Variants in ROS1 observed in about 807,000 individuals in gnomAD.
ROS1 encodes the protein ROS proto-oncogene 1, receptor tyrosine kinase.
Under a neutral mutation model 273.5 loss-of-function variants are expected in ROS1, and 263 were observed. The ratio of observed to expected loss-of-function variants is 0.96; its 90% CI spans 0.87 to 1.06. The LOEUF (loss-of-function observed/expected upper bound fraction) is 1.06, where lower values mean the gene tolerates loss of function less well. ROS1 is among the 50% of genes least tolerant of loss of function. ROS1 has a pLI of 0.00. For missense variants in ROS1, 2,833 were observed against 2,751.1 expected, an observed-to-expected ratio of 1.03 and a Z score of -0.67; for synonymous variants, 1,008 against 954.1, an observed-to-expected ratio of 1.06 and a Z score of -1.04.
intron 18 of ROS1, among the ~76,000 whole-genome samples, chr6:117,368,684 A>G (rs1179495101): frequency 6.6e-6 from 1 of 152,154 alleles, no homozygotes; most frequent in Non-Finnish European, 1.5e-5. Flanking sequence ...TATATTATGA[A>G]TCACGTATAA....
chr6:117,385,746 T>A lies in ROS1; in HGVS notation c.2226A>T (p.Gly742=). 1.9e-6 allele frequency: 3 copies of A among 1,614,176 alleles called. No homozygotes were observed. The highest frequency in any genetic ancestry group is 2.5e-6 in the Non-Finnish European group (3 of 1,180,022). ...SENYHLPSIA[G]AGALAFEWLG... is the part of the protein sequence containing the mutation. The stretch of plus-strand genomic sequence containing the variant: ...GCCACTCAAAAGCTAAAGCCCCTGC[T>A]CCTGCAATGCTGGGTAGGTGATAAT... Residue 742 remains glycine (G), a synonymous_variant, in exon 16 of 44, where the codon GGA becomes GGT. Transcript: ENST00000368507.
chr6:117,321,308 G>T lies in ROS1; in HGVS notation c.5710C>A (p.Arg1904=). The T allele has an allele frequency of 6.2e-7, 1 of 1,613,712 alleles. No homozygotes were observed. The highest frequency in any genetic ancestry group is 1.1e-5 in the South Asian group (1 of 91,066). Residue 1904 remains arginine, a synonymous_variant, in exon 36 of 44, where the codon CGA becomes AGA. Coordinates refer to ENST00000368507, the MANE Select transcript of ROS1 (RefSeq NM_001378902.1). ...INEDKELAEL[R]GLAAGVGLAN... ...AGGCCTACTCCGGCTGCCAGACCTC[G>T]CAGCTCAGCCAACTCTTTGTCTTCG... is the stretch of plus-strand genomic sequence containing the variant.
Position 117,397,107 on chromosome 6 carries a change from G to A in ROS1, c.614C>T (p.Thr205Ile), listed in dbSNP as rs763259655. The A allele has an allele frequency of 1.2e-6, 2 of 1,610,232 alleles. 1 individual carries two copies. The highest frequency in any genetic ancestry group is 2.2e-5 in the South Asian group (2 of 90,878). The change falls in exon 8 of 44, where the codon ACT becomes ATT. Residue 205 changes from threonine (T) to isoleucine (I), a missense_variant. Thr to Ile is a moderately conservative substitution (Grantham distance 89). Transcript: ENST00000368507. Reference sequence around the variant, plus strand: ...CTCAATATTCCTAATCAAAGGTGCAGTTTCAGGAACTGGAAGAGATAATGG... The same window carrying A: ...CTCAATATTCCTAATCAAAGGTGCAATTTCAGGAACTGGAAGAGATAATGG... ...YRTHPHGVPETAPLIRNIESS... is the reference protein window; with the variant it reads ...YRTHPHGVPEIAPLIRNIESS...
intron 9 of ROS1, among the ~76,000 whole-genome samples, chr6:117,395,264 C>T (rs1046578992): frequency 6.6e-6 from 1 of 152,166 alleles, no homozygotes; most frequent in Non-Finnish European, 1.5e-5. Context: ...CATGGGTGAA[C>T]ATTTTTAGGG....
intron 5 of ROS1, among the ~76,000 whole-genome samples, chr6:117,409,337 C>G (rs1582880206): frequency 2.0e-5 from 3 of 152,250 alleles, no homozygotes; most frequent in South Asian, 2.1e-4. Flanking sequence ...AACTTGAGGA[C>G]AAAATCTGGT....
Position 117,389,818 on chromosome 6 carries a change from T to C in ROS1, c.1318A>G (p.Ile440Val). Residue 440 changes from isoleucine to valine, a missense_variant, in exon 13 of 44, where the codon ATT (isoleucine) becomes GTT (valine). Physicochemically the swap from Ile to Val is conservative, Grantham distance 29. Transcript: ENST00000368507. ...GGTACAGGAAGGTCTGCTCTATAAA[T>C]GCCATCTCTCAGGAGGTAAAAGACA... is the stretch of plus-strand genomic sequence containing the variant. The part of the protein sequence containing the change: ...GYVFYLLRDG[I>V]YRADLPVPSG... The C allele has an allele frequency of 3.1e-6, 5 of 1,610,342 alleles. No individual in the cohort carries two copies. Among genetic ancestry groups the C allele is most frequent in the East Asian group, 2.2e-5 (1 of 44,734 alleles).
At chr6:117,295,639 A>G (rs1008583596) in intron 43 of ROS1, among the ~76,000 whole-genome samples, 5 of 152,254 alleles carry the variant, frequency 3.3e-5, no homozygotes. Flanking sequence ...AAATAACTCG[A>G]TAGGAAAAAA....
At chr6:117,326,711 G>A (rs1776670589) in intron 33 of ROS1, among the ~76,000 whole-genome samples, 1 of 152,048 alleles carries the variant, frequency 6.6e-6, no homozygotes, top group Non-Finnish European at 1.5e-5. Flanking sequence ...ACTTTCTCCA[G>A]AATTCCAAAC....
chr6:117,300,116 A>AT (rs1474653026), intron 43 of ROS1, among the ~76,000 whole-genome samples: 143 of 60,318 alleles, frequency 2.4e-3, no homozygotes, highest in Non-Finnish European at 3.4e-3. Context: ...TTTTTTTTGT[A>AT]TTTTTTTTGT....
Position 117,389,694 on chromosome 6 carries a change from T to A in ROS1, c.1442A>T (p.Asp481Val). 6.2e-7 allele frequency: 1 copy of A among 1,614,190 alleles called. No individual in the cohort carries two copies. The highest frequency in any genetic ancestry group is 8.5e-7 in the Non-Finnish European group (1 of 1,180,022). Residue 481 changes from aspartate (D) to valine (V), a missense_variant, in exon 13 of 44, where the codon GAC becomes GTC. Transcript: ENST00000368507. ...PQAKRIIYFN[D>V]TAQVFMSTFL... ...TGTTGACATGAAGACTTGGGCAGTG[T>A]CATTGAAGTAAATGATTCGCTTGGC... is the stretch of plus-strand genomic sequence containing the variant.
chr6:117,365,083 A>G lies in ROS1; in HGVS notation c.3080T>C (p.Leu1027Pro), dbSNP rs748712887. The G allele has an allele frequency of 6.2e-7, 1 of 1,613,822 alleles. No individual in the cohort carries two copies. The highest frequency in any genetic ancestry group is 1.1e-5 in the South Asian group (1 of 91,038). The change falls in exon 21 of 44, where the codon CTG becomes CCG. Residue 1027 changes from leucine to proline, a missense_variant. Transcript: ENST00000368507. Reference protein sequence around the residue: ...TYWGKGPKTSLSLRAPETVPS... With the variant: ...TYWGKGPKTSPSLRAPETVPS... Reference sequence around the variant, plus strand: ...ACCTGTTTCAGGTGCTCGAAGTGACAGAGATGTTTTGGGGCCCTTTCCCCA... The same window carrying G: ...ACCTGTTTCAGGTGCTCGAAGTGACGGAGATGTTTTGGGGCCCTTTCCCCA...
intron 42 of ROS1, among the ~76,000 whole-genome samples, chr6:117,302,353 G>A (rs1774799629): frequency 6.6e-6 from 1 of 152,050 alleles, no homozygotes; most frequent in Non-Finnish European, 1.5e-5. Context: ...TTGAGTACGA[G>A]GCTTATGTGA....
intron 11 of ROS1, among the ~76,000 whole-genome samples, chr6:117,393,746 A>AAAG (rs1773263665): frequency 6.6e-6 from 1 of 152,182 alleles, no homozygotes; most frequent in Non-Finnish European, 1.5e-5. Context: ...ACAACAAAAA[A>AAAG]TGGTCTTCCG....
At position 117,290,495 on chromosome 6, in the gene ROS1, A is replaced by C. The variant is rs111513137; in HGVS notation, c.6716-1693T>G. Reference sequence around the variant, plus strand: ...TCAGATCTTAAGGCAGATATCCTCAACAAAGATAGCATGCACTGGGCAACC... The same window carrying C: ...TCAGATCTTAAGGCAGATATCCTCACCAAAGATAGCATGCACTGGGCAACC... On this transcript the variant is annotated intron_variant, in intron 43 of 43. Coordinates refer to ENST00000368507, the MANE Select transcript of ROS1 (RefSeq NM_001378902.1). Among the ~76,000 whole-genome samples the C allele has an allele frequency of 2.5e-3, 376 of 152,352 alleles. 1 individual carries two copies. Among genetic ancestry groups the C allele is most frequent in the African/African-American group, 8.7e-3 (360 of 41,584 alleles).
intron 14 of ROS1, 28 bp downstream of exon 14, chr6:117,387,752 A>T (rs1311260754): frequency 6.3e-7 from 1 of 1,592,100 alleles, no homozygotes; most frequent in Admixed American, 1.8e-5. Context: ...TGTGAGAGTC[A>T]CTCCCTAAAT....
At position 117,383,415 on chromosome 6, in the gene ROS1, A is replaced by G; in HGVS notation, c.2383T>C (p.Tyr795His). 1 of 1,614,014 alleles carries G rather than the reference A, an allele frequency of 6.2e-7. No homozygotes were observed. The highest frequency in any genetic ancestry group is 8.5e-7 in the Non-Finnish European group (1 of 1,179,876). Residue 795 changes from tyrosine (Y) to histidine (H), a missense_variant, in exon 17 of 44, where the codon TAT (tyrosine) becomes CAT (histidine). By Grantham distance (83) the Tyr-to-His change is moderately conservative. Transcript: ENST00000368507. ...GAATAGAGTGTGGTCCAGTAGAGAT[A>G]TCCACCAACTGAATCCACCACCATG... ...NDMVVDSVGG[Y>H]LYWTTLYSVE...
At chr6:117,326,553 A>C (rs2128582887) in intron 33 of ROS1, 139 bp from the exon 34 acceptor site, 1 of 547,780 alleles carries the variant, frequency 1.8e-6, no homozygotes. Context: ...CTCTCCCATA[A>C]TCTGGCAACA....
At chr6:117,334,912 A>G (rs903507070) in intron 32 of ROS1, among the ~76,000 whole-genome samples, 30 of 152,342 alleles carry the variant, frequency 2.0e-4, no homozygotes, top group East Asian at 1.2e-3. Context: ...AGGCAATACC[A>G]TTCAGGACAT....
intron 43 of ROS1, 146 bp from the exon 44 acceptor site, chr6:117,288,948 A>G: frequency 1.4e-6 from 1 of 701,760 alleles, no homozygotes; most frequent in South Asian, 2.1e-5. Flanking sequence ...TTGGGAATAC[A>G]AAGACAAATA....
Sources: gnomAD v4.1 joint callset for allele counts (sites outside exome capture counted in the v4.1 genomes callset) on GRCh38, gnomAD v4.1.1 for gene constraint, MANE v1.5 for transcripts, NCBI Gene and HGNC (gene_info 2026-07-23, HGNC 2026-07-21) for gene names.